Variants in IL22RA2 observed in about 807,000 individuals in gnomAD.
The protein encoded by IL22RA2 is interleukin 22 receptor subunit alpha 2.
In IL22RA2, 39 loss-of-function variants were observed where a neutral mutation model predicts 30.7. That is an observed-to-expected ratio of 1.27 (90% CI 0.98 to 1.66). The LOEUF (loss-of-function observed/expected upper bound fraction) is 1.66, where lower values mean the gene tolerates loss of function less well. Among genes scored for constraint, IL22RA2 ranks in the 40% most tolerant of loss-of-function variants. The probability of loss-of-function intolerance (pLI) is 0.00; values close to 1 mark genes in which losing one functional copy is unlikely to be tolerated. For synonymous variants in IL22RA2, 103 were observed against 105.0 expected, an observed-to-expected ratio of 0.98 and a Z score of 0.11; for missense variants, 315 against 312.7, an observed-to-expected ratio of 1.01 and a Z score of -0.05.
chr6:137,172,104 G>A (rs1778746358), intron 1 of IL22RA2, among the ~76,000 whole-genome samples: 1 of 152,160 alleles, frequency 6.6e-6, no homozygotes, highest in Non-Finnish European at 1.5e-5. Context: ...GATAATGTGG[G>A]TTTGCACTAT....
chr6:137,165,605 G>A (rs112685680), intron 1 of IL22RA2, among the ~76,000 whole-genome samples: 60 of 152,250 alleles, frequency 3.9e-4, no homozygotes, highest in African/African-American at 1.3e-3. Context: ...GCTAAGCCAG[G>A]ACAAGAGGGC....
chr6:137,159,433 G>T (rs929730414), intron 2 of IL22RA2, among the ~76,000 whole-genome samples: 1 of 152,030 alleles, frequency 6.6e-6, no homozygotes, highest in African/African-American at 2.4e-5. Context: ...CGATTCTCCT[G>T]CCTCAGCCTC....
At chr6:137,149,366 C>T (rs910200112) in intron 5 of IL22RA2, among the ~76,000 whole-genome samples, 1 of 152,160 alleles carries the variant, frequency 6.6e-6, no homozygotes, top group South Asian at 2.1e-4. Flanking sequence ...AAACCAAACT[C>T]ATAATCTCTA....
intron 1 of IL22RA2, among the ~76,000 whole-genome samples, chr6:137,167,390 A>C (rs1298293850): frequency 6.6e-6 from 1 of 152,222 alleles, no homozygotes; most frequent in Non-Finnish European, 1.5e-5. Context: ...TTTGGCCGAC[A>C]CCCTGATCAT....
intron 1 of IL22RA2, among the ~76,000 whole-genome samples, chr6:137,172,947 C>T (rs1253999466): frequency 1.3e-5 from 2 of 152,014 alleles, no homozygotes; most frequent in African/African-American, 2.4e-5. Context: ...CAAAATAATA[C>T]AAAGGCCTGG....
At chr6:137,155,996 T>C in intron 4 of IL22RA2, among the ~76,000 whole-genome samples, 1 of 152,178 alleles carries the variant, frequency 6.6e-6, no homozygotes, top group African/African-American at 2.4e-5. Flanking sequence ...ACTTTTCATC[T>C]CAGGTGTTGC....
chr6:137,161,288 G>C (rs778213557), intron 2 of IL22RA2, among the ~76,000 whole-genome samples: 1 of 152,194 alleles, frequency 6.6e-6, no homozygotes, highest in African/African-American at 2.4e-5. Context: ...GACCATGATA[G>C]CTTGGCTTAG....
intron 2 of IL22RA2, 112 bp downstream of exon 2, chr6:137,161,577 A>G (rs912790483): frequency 2.2e-5 from 18 of 814,148 alleles, no homozygotes; most frequent in Middle Eastern, 2.4e-4. Flanking sequence ...AGTGACATCA[A>G]AAGCTGCAGC....
Position 137,148,901 on chromosome 6 carries a change from C to T in IL22RA2, c.473-1010G>A, listed in dbSNP as rs181680915. On this transcript the variant is annotated intron_variant, in intron 5 of 6. Transcript: ENST00000296980. ...TTATGATCTGTGATGCTAGATTTTG[C>T]AATTGATTGCAAAATCAGTTTTGCA... is the stretch of plus-strand genomic sequence containing the variant. 2.0e-5 allele frequency among the ~76,000 whole-genome samples: 3 copies of T among 152,280 alleles called. No individual in the cohort carries two copies. In the East Asian group the frequency reaches 5.8e-4, roughly 29 times the overall value.
At chr6:137,164,243 G>A (rs1182428541) in intron 1 of IL22RA2, among the ~76,000 whole-genome samples, 2 of 152,294 alleles carry the variant, frequency 1.3e-5, no homozygotes, top group East Asian at 1.9e-4. Flanking sequence ...TTAATGTAGG[G>A]TGGCCAGCCA....
intron 1 of IL22RA2, among the ~76,000 whole-genome samples, chr6:137,162,902 C>T (rs1778550172): frequency 1.3e-5 from 2 of 152,156 alleles, no homozygotes; most frequent in South Asian, 4.1e-4. Flanking sequence ...TTAAGGAAAT[C>T]AACTATAACC....
At chr6:137,149,284 T>C (rs1366396277) in intron 5 of IL22RA2, among the ~76,000 whole-genome samples, 1 of 152,236 alleles carries the variant, frequency 6.6e-6, no homozygotes, top group Admixed American at 6.5e-5. Flanking sequence ...ATAAAGACTT[T>C]ACTTTGAGTC....
intron 3 of IL22RA2, among the ~76,000 whole-genome samples, chr6:137,158,036 C>T (rs945710002): frequency 6.6e-6 from 1 of 152,164 alleles, no homozygotes; most frequent in Non-Finnish European, 1.5e-5. Flanking sequence ...AAGTTGCTTC[C>T]AACATTCGCC....
At chr6:137,147,373 TAATA>T (rs10680789) in intron 6 of IL22RA2, among the ~76,000 whole-genome samples, 14,833 of 145,778 alleles carry the variant, frequency 0.1, 1,425 homozygotes, top group African/African-American at 0.26. Context: ...ATAAAATACA[TAATA>T]AATAAATAAA....
intron 6 of IL22RA2, among the ~76,000 whole-genome samples, chr6:137,146,238 A>G (rs1778175829): frequency 6.6e-6 from 1 of 151,970 alleles, no homozygotes; most frequent in Non-Finnish European, 1.5e-5. Flanking sequence ...CACCATGTTG[A>G]CCAGGCAGGT....
At chr6:137,170,284 C>T (rs962589459) in intron 1 of IL22RA2, among the ~76,000 whole-genome samples, 3 of 152,120 alleles carry the variant, frequency 2.0e-5, no homozygotes, top group Non-Finnish European at 2.9e-5. Context: ...TCAACTATAA[C>T]CTAAGAGTAG....
chr6:137,161,452 G>A (rs1296931033), intron 2 of IL22RA2, among the ~76,000 whole-genome samples: 3 of 152,198 alleles, frequency 2.0e-5, no homozygotes, highest in African/African-American at 7.2e-5. Context: ...CATTTGTTCT[G>A]TATGAAGTCT....
chr6:137,157,749 T>G (rs974083085), intron 3 of IL22RA2, among the ~76,000 whole-genome samples: 4 of 150,352 alleles, frequency 2.7e-5, no homozygotes, highest in African/African-American at 9.8e-5. Flanking sequence ...TTCCAAGCCT[T>G]GAGCCAGGAA....
At chr6:137,160,737 A>T (rs905298441) in intron 2 of IL22RA2, among the ~76,000 whole-genome samples, 4 of 152,200 alleles carry the variant, frequency 2.6e-5, no homozygotes, top group Non-Finnish European at 5.9e-5. Context: ...CATTCTACAG[A>T]TGAGGAAGCT....
Sources: gnomAD v4.1 joint callset for allele counts (sites outside exome capture counted in the v4.1 genomes callset) on GRCh38, gnomAD v4.1.1 for gene constraint, MANE v1.5 for transcripts, NCBI Gene and HGNC (gene_info 2026-07-23, HGNC 2026-07-21) for gene names.